Variants in FIGN observed in about 807,000 individuals in gnomAD.
FIGN encodes the protein fidgetin.
A neutral mutation model predicts 51.3 loss-of-function variants in FIGN; 11 were observed. That is an observed-to-expected ratio of 0.21 (90% CI 0.13 to 0.35). The LOEUF (loss-of-function observed/expected upper bound fraction) is 0.35, where lower values mean the gene tolerates loss of function less well. FIGN is among the 10% of genes least tolerant of loss of function. The pLI is 1.00. For missense variants in FIGN, 857 were observed against 943.6 expected, an observed-to-expected ratio of 0.91 and a Z score of 1.20; for synonymous variants, 407 against 363.2, an observed-to-expected ratio of 1.12 and a Z score of -1.37.
At chr2:163,621,746 T>C (rs972486909) in intron 2 of FIGN, among the ~76,000 whole-genome samples, 1 of 152,158 alleles carries the variant, frequency 6.6e-6, no homozygotes, top group Non-Finnish European at 1.5e-5. Flanking sequence ...TGAACGACGG[T>C]CCAGTCATTA....
At chr2:163,670,351 A>G (rs1462908558) in intron 2 of FIGN, among the ~76,000 whole-genome samples, 1 of 152,192 alleles carries the variant, frequency 6.6e-6, no homozygotes, top group East Asian at 1.9e-4. Flanking sequence ...CACAACAAAG[A>G]AACAAGTACC....
chr2:163,630,162 CATG>C (rs748903634), intron 2 of FIGN, among the ~76,000 whole-genome samples: 33 of 151,356 alleles, frequency 2.2e-4, no homozygotes, highest in Non-Finnish European at 3.8e-4. Context: ...AACGAGGTGT[CATG>C]ATATTGCCCA....
rs543433603 is a variant in FIGN at position 163,607,725 on chromosome 2, T to TA, written c.*1826dup. The TA allele has an allele frequency of 9.0e-4, 137 of 152,436 alleles. No homozygotes were observed. The highest frequency in any genetic ancestry group is 3.2e-3 in the African/African-American group (134 of 41,458). 9.4% of individuals were successfully genotyped at this position (152,436 alleles called of 1,614,324 possible). A position where few individuals can be genotyped will look rare whatever the true frequency, so the allele number is the denominator to read the frequency against. On this transcript the variant is annotated 3_prime_UTR_variant, in exon 3 of 3. Transcript: ENST00000333129. ...CAGTTTTGTTACTGCATCTCTAAAC[T>TA]AAAAAAAGAAAAGGGGAAAAAACCC...
In FIGN at chr2:163,610,053, A is replaced by T. The variant is rs1283019299; in HGVS notation, c.1779T>A (p.Ser593=). 5.6e-6 allele frequency: 9 copies of T among 1,613,908 alleles called. No individual in the cohort carries two copies. The highest frequency in any genetic ancestry group is 7.6e-6 in the Non-Finnish European group (9 of 1,179,946). The part of the protein sequence containing the change: ...FVSDIDMLLS[S]QVNEEHSPVS... ...CTGGACTATGTTCCTCATTCACTTG[A>T]GAGGAGAGAAGCATGTCAATGTCAC... Residue 593 remains serine, a synonymous_variant, in exon 3 of 3, where the codon TCT becomes TCA. Coordinates refer to ENST00000333129, the MANE Select transcript of FIGN (RefSeq NM_018086.4).
At chr2:163,697,104 CT>C (rs1327854249) in intron 2 of FIGN, among the ~76,000 whole-genome samples, 22 of 109,740 alleles carry the variant, frequency 2.0e-4, no homozygotes, top group Middle Eastern at 0.011. Flanking sequence ...TCTTTTCTTT[CT>C]TTTTTTTTTT....
chr2:163,731,993 G>C (rs1006869215), intron 2 of FIGN, among the ~76,000 whole-genome samples: 12 of 150,180 alleles, frequency 8.0e-5, no homozygotes, highest in African/African-American at 3.0e-4. Context: ...CTCCAGCAGT[G>C]TAAGACAAGT....
chr2:163,665,450 A>G (rs908630929), intron 2 of FIGN, among the ~76,000 whole-genome samples: 2 of 152,272 alleles, frequency 1.3e-5, no homozygotes, highest in African/African-American at 4.8e-5. Context: ...AGAGTTAGGG[A>G]AAATTTTGTC....
intron 2 of FIGN, among the ~76,000 whole-genome samples, chr2:163,661,797 A>AT (rs1683688663): frequency 6.6e-6 from 1 of 151,366 alleles, no homozygotes; most frequent in Non-Finnish European, 1.5e-5. Context: ...CTTCTTCCTC[A>AT]TTTTTCTCTT....
intron 2 of FIGN, among the ~76,000 whole-genome samples, chr2:163,692,193 CATTT>C (rs1684249327): frequency 1.3e-5 from 2 of 152,034 alleles, no homozygotes; most frequent in African/African-American, 4.8e-5. Context: ...TTTGTATTGT[CATTT>C]ATTTGGATAA....
rs571637482 is a variant in FIGN, at chr2:163,607,640, A to T, written c.*1912T>A. 2.6e-5 allele frequency: 4 copies of T among 152,698 alleles called. No individual in the cohort carries two copies. Among genetic ancestry groups the T allele is most frequent in the Non-Finnish European group, 4.4e-5 (3 of 68,024 alleles). The allele number at this position is 152,698 out of a possible 1,614,324, so 9.5% of individuals were successfully genotyped here. A position where few individuals can be genotyped will look rare whatever the true frequency, so the allele number is the denominator to read the frequency against. On this transcript the variant is annotated 3_prime_UTR_variant, in exon 3 of 3. Transcript: ENST00000333129. The stretch of plus-strand genomic sequence containing the variant: ...GGGGCTTCTCATTGCATTTATTTAA[A>T]TTTTTTTAAAAATGTACATCACTTA...
At chr2:163,659,777 G>A (rs1683621431) in intron 2 of FIGN, among the ~76,000 whole-genome samples, 1 of 152,180 alleles carries the variant, frequency 6.6e-6, no homozygotes, top group African/African-American at 2.4e-5. Flanking sequence ...CCCCTGAAGT[G>A]GTAGAGATTG....
chr2:163,726,809 A>T (rs894560066), intron 2 of FIGN, among the ~76,000 whole-genome samples: 1 of 152,124 alleles, frequency 6.6e-6, no homozygotes, highest in Non-Finnish European at 1.5e-5. Flanking sequence ...TTTGCAAACA[A>T]TGAGACTGCC....
intron 2 of FIGN, among the ~76,000 whole-genome samples, chr2:163,730,472 T>C (rs1184388062): frequency 6.6e-6 from 1 of 151,722 alleles, no homozygotes; most frequent in Non-Finnish European, 1.5e-5. Flanking sequence ...TAAACAATAA[T>C]ATAGGTACAA....
intron 2 of FIGN, among the ~76,000 whole-genome samples, chr2:163,672,957 C>T (rs1427559091): frequency 2.0e-5 from 3 of 152,080 alleles, no homozygotes; most frequent in Non-Finnish European, 1.5e-5. Context: ...TAGTGAAGTG[C>T]AATAGGGGAC....
Position 163,628,001 on chromosome 2 carries a change from C to G in FIGN, c.26-16195G>C, listed in dbSNP as rs374553867. On this transcript the variant is annotated intron_variant, in intron 2 of 2. Transcript: ENST00000333129. ...AAAATTAGAATACAAAAACACTGCC[C>G]TCGACTCTCTGAATCTTGATAGCTT... Among the ~76,000 whole-genome samples the G allele has an allele frequency of 1.7e-4, 26 of 152,274 alleles. No homozygotes were observed. The East Asian group carries it at 5.0e-3, about 29-fold the overall frequency.
At chr2:163,681,790 G>A (rs988839294) in intron 2 of FIGN, among the ~76,000 whole-genome samples, 25 of 152,160 alleles carry the variant, frequency 1.6e-4, no homozygotes, top group African/African-American at 3.9e-4. Flanking sequence ...CGATGGAATC[G>A]CTTTTCCTAC....
chr2:163,721,836 A>G (rs1684761852), intron 2 of FIGN, among the ~76,000 whole-genome samples: 1 of 152,210 alleles, frequency 6.6e-6, no homozygotes, highest in Non-Finnish European at 1.5e-5. Context: ...AAAGAATGAC[A>G]ATAGAGTCTT....
At chr2:163,685,568 G>A (rs1294410074) in intron 2 of FIGN, among the ~76,000 whole-genome samples, 1 of 152,186 alleles carries the variant, frequency 6.6e-6, no homozygotes, top group African/African-American at 2.4e-5. Flanking sequence ...AGAGGCTCAT[G>A]ATTTTAGATT....
chr2:163,676,438 T>C (rs1249158302), intron 2 of FIGN, among the ~76,000 whole-genome samples: 1 of 18,962 alleles, frequency 5.3e-5, no homozygotes, highest in Non-Finnish European at 1.1e-4. Flanking sequence ...TCCTGGAATA[T>C]ATATATATAT....
Sources: allele counts gnomAD v4.1 joint callset (sites outside exome capture counted in the v4.1 genomes callset), GRCh38; gene constraint gnomAD v4.1.1; transcripts MANE v1.5; gene names NCBI Gene and HGNC (gene_info 2026-07-23, HGNC 2026-07-21).